Variants in ABR observed in about 807,000 individuals in gnomAD.
The protein encoded by ABR is active breakpoint cluster region-related protein.
In ABR, 35 loss-of-function variants were observed where a neutral mutation model predicts 107.2. That is an observed-to-expected ratio of 0.33 (90% CI 0.25 to 0.43). The LOEUF is 0.43. Ranked by LOEUF, ABR falls within the 20% of genes least tolerant of loss-of-function variation. The pLI, the probability that ABR is intolerant of heterozygous loss-of-function variation, is 1.00. For missense variants in ABR, 815 were observed against 1,115.2 expected, an observed-to-expected ratio of 0.73 and a Z score of 3.83; for synonymous variants, 498 against 462.0, an observed-to-expected ratio of 1.08 and a Z score of -1.00.
At position 1,150,755 on chromosome 17, in the gene ABR, A is replaced by C. The variant is rs1414508091; in HGVS notation, c.62-25388T>G. On this transcript the variant is annotated intron_variant, in intron 1 of 22. Coordinates refer to ENST00000302538, the MANE Select transcript of ABR (RefSeq NM_021962.5). The surrounding 1 kb of genome is among the most constrained non-coding windows in gnomAD (Gnocchi z 4.8). ...CCCACCCACTGGGAACCACGCGAGC[A>C]GGGAGGGACGAAGGGAGGAGCATCA... Among the ~76,000 whole-genome samples the C allele has an allele frequency of 6.6e-6, 1 of 152,156 alleles. No individual in the cohort carries two copies. The highest frequency in any genetic ancestry group is 1.5e-5 in the Non-Finnish European group (1 of 68,026).
At position 1,199,152 on chromosome 17, in the gene ABR, G is replaced by T. The variant is rs1046950415; in HGVS notation, c.838+29641C>A. On this transcript the variant is annotated intron_variant, in intron 1 of 22. Coordinates refer to the ABR transcript ENST00000574139. Reference sequence around the variant, plus strand: ...GGGCCGGGGAAGGTGTGAAAACTTTGCTCGGGAGTGGTCAGGGTCACGAAT... The same window carrying T: ...GGGCCGGGGAAGGTGTGAAAACTTTTCTCGGGAGTGGTCAGGGTCACGAAT... Among the ~76,000 whole-genome samples the T allele has an allele frequency of 2.7e-4, 40 of 150,400 alleles. 1 individual carries two copies. Among genetic ancestry groups the T allele is most frequent in the Non-Finnish European group, 4.1e-4 (28 of 67,916 alleles).
intron 6 of ABR, among the ~76,000 whole-genome samples, chr17:1,073,952 C>A (rs1245613966): frequency 7.2e-6 from 1 of 139,352 alleles, no homozygotes; most frequent in African/African-American, 2.6e-5. Context: ...GCCGCCCCGC[C>A]CCCCTCCCCA....
At chr17:1,137,776 T>A (rs1251153431) in intron 1 of ABR, among the ~76,000 whole-genome samples, 2 of 151,708 alleles carry the variant, frequency 1.3e-5, no homozygotes, top group African/African-American at 4.8e-5. Flanking sequence ...CGCCTGCACA[T>A]GAGTGCCGTA....
At chr17:1,089,571 GCCCTTC>G (rs1476835774) in intron 4 of ABR, among the ~76,000 whole-genome samples, 2 of 152,138 alleles carry the variant, frequency 1.3e-5, no homozygotes, top group Non-Finnish European at 1.5e-5. Flanking sequence ...CTCCCTCCAT[GCCCTTC>G]CGAGTTCTCC....
chr17:1,188,986 T>C (rs1223232685), upstream of ABR, among the ~76,000 whole-genome samples: 1 of 152,194 alleles, frequency 6.6e-6, no homozygotes, highest in Non-Finnish European at 1.5e-5. Flanking sequence ...GTTCTGATCG[T>C]GAAACCTCGT....
At chr17:1,137,463 C>A (rs924265788) in intron 1 of ABR, among the ~76,000 whole-genome samples, 3 of 151,910 alleles carry the variant, frequency 2.0e-5, no homozygotes, top group Admixed American at 6.6e-5. Flanking sequence ...GAGGCTGGAG[C>A]GGGGAGAGGA....
intron 1 of ABR, among the ~76,000 whole-genome samples, chr17:1,212,075 C>T (rs1262699761): frequency 3.5e-5 from 2 of 56,646 alleles, no homozygotes; most frequent in East Asian, 6.4e-4. Flanking sequence ...AGAGCAAGAC[C>T]CCATCTCGAA....
intron 1 of ABR, among the ~76,000 whole-genome samples, chr17:1,147,452 C>A (rs1439196676): frequency 6.6e-6 from 1 of 152,048 alleles, no homozygotes; most frequent in Non-Finnish European, 1.5e-5. Flanking sequence ...CCTCTGCCTC[C>A]TGAGTTCAAG....
At chr17:1,125,584 G>A (rs1722323782) in intron 1 of ABR, 1 of 380,340 alleles carries the variant, frequency 2.6e-6, no homozygotes, top group Middle Eastern at 6.2e-4. Context: ...GCTGCTGGGA[G>A]GCGGGGAGGA....
chr17:1,201,415 G>A (rs965545278), intron 1 of ABR, among the ~76,000 whole-genome samples: 5 of 152,078 alleles, frequency 3.3e-5, no homozygotes, highest in African/African-American at 9.7e-5. Context: ...CTGTTCCCTC[G>A]TTAGCACTCA....
upstream of ABR, among the ~76,000 whole-genome samples, chr17:1,184,550 C>A (rs2042233079): frequency 6.6e-6 from 1 of 152,344 alleles, no homozygotes; most frequent in Non-Finnish European, 1.5e-5. Context: ...AGACTCCCAG[C>A]ACAGCTATGA....
At chr17:1,030,438 C>G (rs779798105) in intron 16 of ABR, among the ~76,000 whole-genome samples, 2 of 152,240 alleles carry the variant, frequency 1.3e-5, no homozygotes, top group Non-Finnish European at 2.9e-5. Context: ...CGGGCACAGA[C>G]AGCTGCCTCA....
intron 1 of ABR, among the ~76,000 whole-genome samples, chr17:1,204,145 A>G (rs2150726518): frequency 6.6e-6 from 1 of 152,302 alleles, no homozygotes; most frequent in African/African-American, 2.4e-5. Context: ...CCAGCGGGGC[A>G]TTTAAAGACT....
Position 1,050,510 on chromosome 17 carries a change from A to C in ABR, c.1659+27T>G. ...ACGAGCACGGGGTGGTGGGGTCCCC[A>C]CAGAGATGCCAGCCCCTGCCACTCA... On this transcript the variant is annotated intron_variant, in intron 15 of 22. Transcript: ENST00000302538. This position sits in a 1 kb window ranked among gnomAD's most constrained non-coding sequence, Gnocchi z 4.6. 6.2e-7 allele frequency: 1 copy of C among 1,604,476 alleles called. No homozygotes were observed. The highest frequency in any genetic ancestry group is 8.5e-7 in the Non-Finnish European group (1 of 1,171,670).
intron 1 of ABR, among the ~76,000 whole-genome samples, chr17:1,217,914 T>C (rs535779331): frequency 2.0e-5 from 3 of 151,612 alleles, no homozygotes; most frequent in Non-Finnish European, 2.9e-5. Context: ...AGGCTGGTCT[T>C]GAACTCCTGA....
intron 1 of ABR, among the ~76,000 whole-genome samples, chr17:1,158,970 T>C (rs145155140): frequency 1.2e-3 from 182 of 152,284 alleles, no homozygotes; most frequent in African/African-American, 4.0e-3. Flanking sequence ...GGGAGCCTGT[T>C]TGGGACTCAC....
intron 1 of ABR, among the ~76,000 whole-genome samples, chr17:1,158,726 G>A (rs2041141491): frequency 6.6e-6 from 1 of 151,880 alleles, no homozygotes; most frequent in Non-Finnish European, 1.5e-5. Flanking sequence ...CCGTGCCACT[G>A]CACTCCAGCC....
intron 8 of ABR, among the ~76,000 whole-genome samples, chr17:1,072,317 G>A (rs554822208): frequency 5.2e-4 from 79 of 152,334 alleles, no homozygotes; most frequent in South Asian, 1.0e-3. Context: ...CCTTGGCTGG[G>A]AATGGGGGAT....
chr17:1,171,136 A>T (rs183323562), intron 1 of ABR, among the ~76,000 whole-genome samples: 161 of 152,342 alleles, frequency 1.1e-3, no homozygotes, highest in Non-Finnish European at 1.8e-3. Context: ...GGTAACGCGA[A>T]CGGGGTAACC....
Sources: gnomAD v4.1 joint callset for allele counts (sites outside exome capture counted in the v4.1 genomes callset) on GRCh38, gnomAD v4.1.1 for gene constraint, Gnocchi (gnomAD v3.1) non-coding constraint, MANE v1.5 for transcripts, NCBI Gene and HGNC (gene_info 2026-07-23, HGNC 2026-07-21) for gene names.